The following DNAH17 variants were observed in gnomAD, a reference collection of about 807,000 sequenced individuals.
DNAH17 encodes dynein axonemal heavy chain 17, also known as axonemal beta dynein heavy chain 17.
DNAH17 carries 376 observed loss-of-function variants against 485.6 expected under a neutral mutation model. The observed-to-expected ratio is 0.77, with a 90% confidence interval of 0.71 to 0.84. The LOEUF is 0.84. Ranked by LOEUF, DNAH17 falls within the 40% of genes least tolerant of loss-of-function variation. The probability of loss-of-function intolerance (pLI) is 0.00; values close to 1 mark genes in which losing one functional copy is unlikely to be tolerated. For missense variants in DNAH17, 6,370 were observed against 5,839.3 expected, an observed-to-expected ratio of 1.09 and a Z score of -2.96; for synonymous variants, 3,031 against 2,405.9, an observed-to-expected ratio of 1.26 and a Z score of -7.60.
At position 78,575,019 on chromosome 17, in the gene DNAH17, C is replaced by T; in HGVS notation, c.39G>A (p.Glu13=). 1 of 1,613,960 alleles carries T rather than the reference C, an allele frequency of 6.2e-7. No homozygotes were observed. Among genetic ancestry groups the T allele is most frequent in the African/African-American group, 1.3e-5 (1 of 75,058 alleles). Residue 13 remains glutamate (E), a synonymous_variant, in exon 2 of 81, where the codon GAG becomes GAA. Coordinates refer to ENST00000389840, the MANE Select transcript of DNAH17 (RefSeq NM_173628.4). ...MAPDVRLEYL[E]EVASIVLKFK... ...ACTTCAGGACGATGGAGGCAACTTC[C>T]TCCAGATACTCTAGTCTGACGTCCG...
intron 25 of DNAH17, among the ~76,000 whole-genome samples, chr17:78,518,748 T>C (rs2090855224): frequency 6.6e-6 from 1 of 152,180 alleles, no homozygotes; most frequent in South Asian, 2.1e-4. Context: ...TATATCCTGA[T>C]CCATAAAATA....
chr17:78,569,542 A>C lies in DNAH17; in HGVS notation c.1045-15T>G, dbSNP rs762169736. ...AAGGTTCGTGTCTGGGCAAAAGAGAAGACAGACATCTAAAGCTCCGACAAG... is the reference window on the plus strand; with the variant it reads ...AAGGTTCGTGTCTGGGCAAAAGAGACGACAGACATCTAAAGCTCCGACAAG... On this transcript the variant is annotated splice_polypyrimidine_tract_variant and intron_variant, in intron 7 of 80. Transcript: ENST00000389840. 2 of 1,596,772 alleles carry C rather than the reference A, an allele frequency of 1.3e-6. No individual in the cohort carries two copies. Among genetic ancestry groups the C allele is most frequent in the South Asian group, 2.3e-5 (2 of 88,242 alleles).
Position 78,492,749 on chromosome 17 carries a change from T to A in DNAH17, c.6425A>T (p.Asn2142Ile). The change falls in exon 42 of 81, where the codon AAC (asparagine) becomes ATC (isoleucine). Residue 2142 changes from asparagine to isoleucine, a missense_variant. Transcript: ENST00000389840. ...CCTCTTCAGGTTCTGATAGGTCTTGTTGAGGGATTTGAGGACCTGGCGAAG... is the reference window on the plus strand; with the variant it reads ...CCTCTTCAGGTTCTGATAGGTCTTGATGAGGGATTTGAGGACCTGGCGAAG... ...SGKSQVLKSL[N>I]KTYQNLKRKP... 6.2e-7 allele frequency: 1 copy of A among 1,611,864 alleles called. No individual in the cohort carries two copies. The highest frequency in any genetic ancestry group is 8.5e-7 in the Non-Finnish European group (1 of 1,179,010).
At chr17:78,544,144 G>C (rs1441490876) in intron 16 of DNAH17, 147 bp from the exon 17 acceptor site, 2 of 1,199,052 alleles carry the variant, frequency 1.7e-6, no homozygotes, top group Non-Finnish European at 2.3e-6. Flanking sequence ...ATGCCCATCA[G>C]GGGCTACTAA....
At chr17:78,526,805 C>T in intron 23 of DNAH17, 68 bp from the exon 24 acceptor site, 1 of 1,559,024 alleles carries the variant, frequency 6.4e-7, no homozygotes, top group Non-Finnish European at 8.7e-7. Context: ...TGGCCCCACC[C>T]TGTATGCCGC....
At position 78,507,491 on chromosome 17, in the gene DNAH17, G is replaced by C. The variant is rs779793942; in HGVS notation, c.4551C>G (p.Ser1517=). 2 of 1,612,938 alleles carry C rather than the reference G, an allele frequency of 1.2e-6. No individual in the cohort carries two copies. The highest frequency in any genetic ancestry group is 1.3e-5 in the African/African-American group (1 of 75,042). ...EDIRTQLPGD[S]QRFDDINQEF... ...CCTGGTTGATGTCGTCAAAGCGCTG[G>C]GAGTCCCCCGGGAGCTGGGTGCGGA... is the stretch of plus-strand genomic sequence containing the variant. The change falls in exon 28 of 81, where the codon TCC becomes TCG. Residue 1517 remains serine, a synonymous_variant. Coordinates refer to ENST00000389840, the MANE Select transcript of DNAH17 (RefSeq NM_173628.4).
intron 17 of DNAH17, among the ~76,000 whole-genome samples, 158 bp from the exon 18 acceptor site, chr17:78,540,038 G>A (rs1025841470): frequency 8.5e-5 from 13 of 152,068 alleles, no homozygotes; most frequent in African/African-American, 2.7e-4. Flanking sequence ...CTTCCTACTC[G>A]AGGCTTTGCA....
chr17:78,451,415 C>T (rs1374402420), intron 66 of DNAH17, 54 bp downstream of exon 66: 2 of 1,521,674 alleles, frequency 1.3e-6, no homozygotes, highest in South Asian at 1.3e-5. Flanking sequence ...GTGACCTGGC[C>T]CCCTCTGTGT....
intron 63 of DNAH17, among the ~76,000 whole-genome samples, chr17:78,454,942 C>T (rs1338798339): frequency 6.6e-6 from 1 of 151,924 alleles, no homozygotes; most frequent in Non-Finnish European, 1.5e-5. Flanking sequence ...CAGAGTCTCA[C>T]TCTGTCACCC....
Position 78,486,328 on chromosome 17 carries a change from G to C in DNAH17, c.6997C>G (p.Leu2333Val). The change falls in exon 45 of 81, where the codon CTC becomes GTC. Residue 2333 changes from leucine to valine, a missense_variant. Transcript: ENST00000389840. ...TCGGGGGGCACGGTCTTCTCCGTGA[G>C]CAGGCACTCCAGCAGGTACAGAATC... ...QTILYLLECL[L>V]TEKTVPPDSP... The C allele has an allele frequency of 6.2e-7, 1 of 1,613,768 alleles. No homozygotes were observed. Among genetic ancestry groups the C allele is most frequent in the Admixed American group, 1.7e-5 (1 of 60,018 alleles).
intron 25 of DNAH17, among the ~76,000 whole-genome samples, chr17:78,516,691 G>GAAAA (rs1168693263): frequency 7.9e-5 from 7 of 88,624 alleles, no homozygotes; most frequent in Non-Finnish European, 1.1e-4. Flanking sequence ...CTCCATCTCA[G>GAAAA]AAAAAAAAAA....
chr17:78,437,089 G>A (rs996476935), intron 74 of DNAH17, among the ~76,000 whole-genome samples: 2 of 152,190 alleles, frequency 1.3e-5, no homozygotes, highest in African/African-American at 2.4e-5. Flanking sequence ...GAGGAGGACC[G>A]GGCTCCCTAG....
chr17:78,464,676 G>A (rs1240089115), intron 56 of DNAH17, among the ~76,000 whole-genome samples: 3 of 152,208 alleles, frequency 2.0e-5, no homozygotes, highest in African/African-American at 4.8e-5. Context: ...AGCAAATACA[G>A]GCTTTCCAGC....
intron 48 of DNAH17, 105 bp downstream of exon 48, chr17:78,484,763 T>G: frequency 1.2e-5 from 5 of 406,022 alleles, no homozygotes; most frequent in African/African-American, 5.9e-5. Context: ...CCCACACCAG[T>G]CCTGCCCTAC....
chr17:78,446,462 T>C (rs1375627287), intron 69 of DNAH17, among the ~76,000 whole-genome samples: 2 of 152,262 alleles, frequency 1.3e-5, no homozygotes, highest in East Asian at 1.9e-4. Flanking sequence ...AGCGTGATGC[T>C]TCTGAGGTTC....
chr17:78,450,269 G>C lies in DNAH17; in HGVS notation c.11025C>G (p.Tyr3675Ter). Reference protein sequence around the residue: ...LNDLNKINPVYQFSLKAFNVV... With the variant: ...LNDLNKINPV ...CAGGGCGCACCTTGAGGGAGAACTG[G>C]TAGACGGGGTTGATTTTGTTGAGAT... Residue 3675 changes from tyrosine to a stop codon, truncating the protein, a stop_gained, in exon 68 of 81, where the codon TAC (tyrosine) becomes TAG (stop). Transcript: ENST00000389840. LOFTEE classifies it high-confidence loss of function. 6.2e-7 allele frequency: 1 copy of C among 1,613,934 alleles called. No individual in the cohort carries two copies. The highest frequency in any genetic ancestry group is 8.5e-7 in the Non-Finnish European group (1 of 1,179,886).
At position 78,500,658 on chromosome 17, in the gene DNAH17, G is replaced by C. The variant is rs1053674977; in HGVS notation, c.5484-197C>G. 3 of 436,476 alleles carry C rather than the reference G, an allele frequency of 6.9e-6. No homozygotes were observed. The South Asian group carries it at 1.4e-4, about 20-fold the overall frequency. The allele number at this position is 436,476 out of a possible 1,614,324, so 27.0% of individuals were successfully genotyped here. A position where few individuals can be genotyped will look rare whatever the true frequency, so the allele number is the denominator to read the frequency against. On this transcript the variant is annotated intron_variant, in intron 35 of 80. Coordinates refer to ENST00000389840, the MANE Select transcript of DNAH17 (RefSeq NM_173628.4). The stretch of plus-strand genomic sequence containing the variant: ...CAAGTAGCTGGGACTATAGGCGCCC[G>C]CCACCATGCCCGGCTAATTTTTGTA...
chr17:78,562,962 C>G (rs2092189407), intron 11 of DNAH17, among the ~76,000 whole-genome samples: 1 of 152,144 alleles, frequency 6.6e-6, no homozygotes, highest in Admixed American at 6.5e-5. Context: ...TAACCCACGC[C>G]CAATGGGGGC....
chr17:78,542,855 C>T (rs939763743), intron 17 of DNAH17, among the ~76,000 whole-genome samples: 2 of 152,256 alleles, frequency 1.3e-5, no homozygotes, highest in Non-Finnish European at 2.9e-5. Flanking sequence ...TTACTGTTCC[C>T]TACCCACACT....
Sources: allele counts gnomAD v4.1 joint callset (sites outside exome capture counted in the v4.1 genomes callset), GRCh38; gene constraint gnomAD v4.1.1; transcripts MANE v1.5; gene names NCBI Gene and HGNC (gene_info 2026-07-23, HGNC 2026-07-21).